Variants in OR1F1 observed in about 807,000 individuals in gnomAD.
OR1F1 encodes olfactory receptor 1F1.
For missense variants in OR1F1, 493 were observed against 376.3 expected, an observed-to-expected ratio of 1.31 and a Z score of -2.57; for synonymous variants, 184 against 156.7, an observed-to-expected ratio of 1.17 and a Z score of -1.30.
At chr16:3,194,878 C>A in the OR1F1 span, among the ~76,000 whole-genome samples, 3 of 152,326 alleles carry the variant, frequency 2.0e-5, no homozygotes, top group East Asian at 3.9e-4. Flanking sequence ...CTGCCTCGGC[C>A]TCCCAAAATG....
the OR1F1 span, among the ~76,000 whole-genome samples, chr16:3,196,002 A>G: frequency 6.6e-6 from 1 of 152,218 alleles, no homozygotes; most frequent in Non-Finnish European, 1.5e-5. Flanking sequence ...ACCCGCCAGC[A>G]GGACGCGTGG....
At chr16:3,204,621 C>G in exon 1 of OR1F1, 1 of 1,614,142 alleles carries the variant, frequency 6.2e-7, no homozygotes. Context: ...ACTTTGTCGC[C>G]GTGTGCCACC....
At chr16:3,201,796 A>G (rs1180162937), upstream of OR1F1, among the ~76,000 whole-genome samples, 1 of 152,052 alleles carries the variant, frequency 6.6e-6, no homozygotes, top group East Asian at 1.9e-4. Flanking sequence ...AGACATACCC[A>G]CCAGTGACAC....
the OR1F1 span, among the ~76,000 whole-genome samples, chr16:3,189,357 G>A: frequency 2.0e-5 from 3 of 152,278 alleles, no homozygotes; most frequent in Middle Eastern, 3.4e-3. Flanking sequence ...TGCGCGCCTC[G>A]GAGACGCCGA....
At chr16:3,190,621 G>T in the OR1F1 span, among the ~76,000 whole-genome samples, 1 of 151,900 alleles carries the variant, frequency 6.6e-6, no homozygotes, top group Non-Finnish European at 1.5e-5. Flanking sequence ...CATGGTGGCG[G>T]GCGCCTGTAA....
the OR1F1 span, among the ~76,000 whole-genome samples, chr16:3,196,193 T>G: frequency 6.6e-6 from 1 of 152,188 alleles, no homozygotes; most frequent in Non-Finnish European, 1.5e-5. Flanking sequence ...ACTCTTAATC[T>G]CAGGGTCGTG....
At chr16:3,198,148 G>GGA in the OR1F1 span, among the ~76,000 whole-genome samples, 1 of 137,218 alleles carries the variant, frequency 7.3e-6, no homozygotes, top group Admixed American at 7.3e-5. Context: ...GGAGAGAGAG[G>GGA]GAGAGAGAGG....
At chr16:3,198,514 T>C in the OR1F1 span, among the ~76,000 whole-genome samples, 1 of 152,254 alleles carries the variant, frequency 6.6e-6, no homozygotes, top group South Asian at 2.1e-4. Context: ...TGTACAGATA[T>C]GCAAGCGGGG....
At chr16:3,197,908 GGAGAAA>G in the OR1F1 span, among the ~76,000 whole-genome samples, 1 of 248 alleles carries the variant, frequency 4.0e-3, no homozygotes, top group Admixed American at 0.042. Flanking sequence ...AGAGGGAGAA[GGAGAAA>G]GAGAGGGAGA....
chr16:3,191,003 C>T, the OR1F1 span, among the ~76,000 whole-genome samples: 2 of 152,092 alleles, frequency 1.3e-5, no homozygotes, highest in East Asian at 1.9e-4. Context: ...GTAATGGAAA[C>T]GGAACAGCTA....
upstream of OR1F1, among the ~76,000 whole-genome samples, chr16:3,203,987 G>A (rs2141592402): frequency 6.6e-6 from 1 of 152,242 alleles, no homozygotes; most frequent in South Asian, 2.1e-4. Context: ...TTTCTGCCCA[G>A]ACCTCTGGGT....
At chr16:3,192,968 C>A in the OR1F1 span, among the ~76,000 whole-genome samples, 1 of 152,112 alleles carries the variant, frequency 6.6e-6, no homozygotes, top group East Asian at 1.9e-4. Context: ...ATGGCGTCTT[C>A]CTCTGTCGCC....
At chr16:3,203,499 C>G (rs935479362), upstream of OR1F1, among the ~76,000 whole-genome samples, 3 of 152,366 alleles carry the variant, frequency 2.0e-5, no homozygotes, top group East Asian at 5.8e-4. Context: ...GGTGTGGTGG[C>G]TCACGCCTGT....
chr16:3,188,484 G>C, the OR1F1 span: 1 of 152,312 alleles, frequency 6.6e-6, no homozygotes, highest in African/African-American at 2.4e-5. Context: ...TCCCAGGTGA[G>C]CCCTCCTCCG....
the OR1F1 span, among the ~76,000 whole-genome samples, chr16:3,192,108 G>A: frequency 1.3e-5 from 2 of 152,150 alleles, no homozygotes; most frequent in Non-Finnish European, 2.9e-5. Flanking sequence ...CCAGGCTGGA[G>A]TGCAGTGGCG....
chr16:3,204,843 C>T, exon 1 of OR1F1: 1 of 1,614,158 alleles, frequency 6.2e-7, no homozygotes, highest in Middle Eastern at 1.6e-4. Context: ...AGGTCATAAT[C>T]CTTAGTGAGG....
At chr16:3,202,095 C>A (rs551368469), upstream of OR1F1, among the ~76,000 whole-genome samples, 24 of 152,164 alleles carry the variant, frequency 1.6e-4, no homozygotes, top group Non-Finnish European at 3.5e-4. Flanking sequence ...AGCCAAGAAC[C>A]CTTGCAGACT....
At chr16:3,195,885 G>A in the OR1F1 span, among the ~76,000 whole-genome samples, 1 of 152,164 alleles carries the variant, frequency 6.6e-6, no homozygotes, top group African/African-American at 2.4e-5. Context: ...TTGGGACTGA[G>A]AACATAGGGT....
At chr16:3,192,296 G>T in the OR1F1 span, among the ~76,000 whole-genome samples, 2 of 152,240 alleles carry the variant, frequency 1.3e-5, no homozygotes, top group African/African-American at 4.8e-5. Context: ...CTCGTGATCC[G>T]CCCGCCTCGG....
Sources: allele counts gnomAD v4.1 joint callset (sites outside exome capture counted in the v4.1 genomes callset), GRCh38; gene constraint gnomAD v4.1.1; transcripts MANE v1.5; gene names NCBI Gene and HGNC (gene_info 2026-07-23, HGNC 2026-07-21).